Variants in TMPRSS11F observed in about 807,000 individuals in gnomAD.
The protein encoded by TMPRSS11F is transmembrane protease serine 11F.
TMPRSS11F carries 47 observed loss-of-function variants against 60.2 expected under a neutral mutation model. The observed-to-expected ratio is 0.78, with a 90% CI of 0.62 to 1.00. The LOEUF (loss-of-function observed/expected upper bound fraction) is 1.00. TMPRSS11F is among the 50% of genes least tolerant of loss of function. The probability of loss-of-function intolerance (pLI) is 0.00; values close to 1 mark genes in which losing one functional copy is unlikely to be tolerated. For synonymous variants in TMPRSS11F, 166 were observed against 167.3 expected (o/e 0.99, Z 0.06); for missense variants, 519 against 522.9 (o/e 0.99, Z 0.07).
chr4:68,061,265 A>T (rs1723167736), intron 8 of TMPRSS11F, among the ~76,000 whole-genome samples: 1 of 152,230 alleles, frequency 6.6e-6, no homozygotes. Flanking sequence ...GTTCTGAGGA[A>T]TCGTTGCATT....
At chr4:68,125,448 A>T (rs1724697466) in intron 1 of TMPRSS11F, among the ~76,000 whole-genome samples, 1 of 152,172 alleles carries the variant, frequency 6.6e-6, no homozygotes, top group African/African-American at 2.4e-5. Context: ...CATATATGAT[A>T]CTGGAAGAAA....
chr4:68,109,886 G>A (rs1351853662), intron 1 of TMPRSS11F, among the ~76,000 whole-genome samples: 1 of 152,102 alleles, frequency 6.6e-6, no homozygotes, highest in Non-Finnish European at 1.5e-5. Context: ...TCAAGATGAA[G>A]ATTTAAATAT....
intron 3 of TMPRSS11F, among the ~76,000 whole-genome samples, chr4:68,074,987 T>C (rs1169162424): frequency 1.3e-5 from 2 of 152,032 alleles, no homozygotes; most frequent in Admixed American, 6.5e-5. Context: ...AAATAATAAA[T>C]AGATTAAAAA....
chr4:68,122,764 G>A (rs554915967), intron 1 of TMPRSS11F, among the ~76,000 whole-genome samples: 3 of 152,252 alleles, frequency 2.0e-5, no homozygotes, highest in African/African-American at 4.8e-5. Flanking sequence ...AGGCAATCAC[G>A]AATATAGAAC....
intron 2 of TMPRSS11F, among the ~76,000 whole-genome samples, chr4:68,097,386 TG>T (rs1724094744): frequency 6.6e-6 from 1 of 152,156 alleles, no homozygotes; most frequent in South Asian, 2.1e-4. Context: ...CCTTTGCTGA[TG>T]GTCCCATTTT....
chr4:68,090,259 AAT>A (rs1442250428), intron 3 of TMPRSS11F, among the ~76,000 whole-genome samples: 3 of 152,024 alleles, frequency 2.0e-5, no homozygotes, highest in Non-Finnish European at 2.9e-5. Context: ...AAGAGTTAAA[AAT>A]AGAGAAACAT....
At chr4:68,083,094 C>T (rs762952364) in intron 3 of TMPRSS11F, among the ~76,000 whole-genome samples, 12 of 152,216 alleles carry the variant, frequency 7.9e-5, no homozygotes, top group Non-Finnish European at 8.8e-5. Flanking sequence ...ATACCCATGA[C>T]AACACCACCC....
intron 3 of TMPRSS11F, among the ~76,000 whole-genome samples, chr4:68,085,626 G>A (rs1354374566): frequency 1.3e-5 from 2 of 152,118 alleles, no homozygotes; most frequent in African/African-American, 4.8e-5. Flanking sequence ...GCATACAGTG[G>A]CAAGTTGGAT....
chr4:68,078,795 C>T (rs2109852778), intron 3 of TMPRSS11F, among the ~76,000 whole-genome samples: 1 of 152,238 alleles, frequency 6.6e-6, no homozygotes, highest in African/African-American at 2.4e-5. Context: ...AGTTCTGAGT[C>T]ATGACACTTA....
intron 1 of TMPRSS11F, among the ~76,000 whole-genome samples, chr4:68,127,672 G>T (rs978928399): frequency 6.6e-6 from 1 of 151,954 alleles, no homozygotes; most frequent in Admixed American, 6.6e-5. Context: ...ATGACCCACG[G>T]TTAGAAATGT....
At chr4:68,068,930 C>T in intron 6 of TMPRSS11F, 111 bp from the exon 7 acceptor site, 1 of 1,071,614 alleles carries the variant, frequency 9.3e-7, no homozygotes, top group Non-Finnish European at 1.4e-6. Flanking sequence ...GTGAACCATT[C>T]ATAGCACTCA....
At position 68,124,945 on chromosome 4, in the gene TMPRSS11F, A is replaced by ATTTTTTTTTTT. The variant is rs370189875; in HGVS notation, c.11+4854_11+4864dup. On this transcript the variant is annotated intron_variant, in intron 1 of 9. Transcript: ENST00000356291. ...TGACATTCTAAGTATCTAAACCAGC[A>ATTTTTTTTTTT]TTTTTTTTTTTTTTTTTTTTTTACA... is the stretch of plus-strand genomic sequence containing the variant. 1.9e-4 allele frequency among the ~76,000 whole-genome samples: 18 copies of ATTTTTTTTTTT among 94,108 alleles called. 1 individual carries two copies. Among genetic ancestry groups the ATTTTTTTTTTT allele is most frequent in the South Asian group, 1.3e-3 (3 of 2,274 alleles). The allele number at this position is 94,108 out of a possible 152,430, so 61.7% of individuals were successfully genotyped here.
chr4:68,121,052 G>T (rs4590097), intron 1 of TMPRSS11F, among the ~76,000 whole-genome samples: 96,201 of 152,030 alleles, frequency 0.63, 31,626 homozygotes, highest in Admixed American at 0.74. Flanking sequence ...AATAGAACCT[G>T]CAATATCTTC....
At chr4:68,106,997 G>A (rs528143547) in intron 1 of TMPRSS11F, among the ~76,000 whole-genome samples, 1 of 152,148 alleles carries the variant, frequency 6.6e-6, no homozygotes, top group East Asian at 1.9e-4. Flanking sequence ...GTATCAGCAA[G>A]GTCAGCTATA....
In TMPRSS11F at chr4:68,064,890, G is replaced by A. The variant is rs150188649; in HGVS notation, c.810C>T (p.Pro270=). The change falls in exon 8 of 10, where the codon CCC becomes CCT. Residue 270 remains proline, a synonymous_variant. Coordinates refer to ENST00000356291, the MANE Select transcript of TMPRSS11F (RefSeq NM_207407.2). The part of the protein sequence containing the change: ...IATFGATITP[P]AVKRNVRKII... The stretch of plus-strand genomic sequence containing the variant: ...TTTTCCTCACATTTCGTTTCACTGC[G>A]GGTGGTGTTATAGTTGCACCAAAAG... 1.2e-5 allele frequency: 19 copies of A among 1,613,808 alleles called. No individual in the cohort carries two copies. Among genetic ancestry groups the A allele is most frequent in the Middle Eastern group, 3.3e-4 (2 of 6,066 alleles).
rs1723285723 is a variant in TMPRSS11F at position 68,064,733 on chromosome 4, G to A, written c.967C>T (p.Pro323Ser). The change falls in exon 8 of 10, where the codon CCT (proline) becomes TCT (serine). Residue 323 changes from proline (P) to serine (S), a missense_variant. Coordinates refer to ENST00000356291, the MANE Select transcript of TMPRSS11F (RefSeq NM_207407.2). ...CCTGTGACGAACACACTTGTTTTAG[G>A]TGGCAACTTTATAGATGAGTCTGGG... is the stretch of plus-strand genomic sequence containing the variant. The part of the protein sequence containing the change: ...CLPDSSIKLP[P>S]KTSVFVTGFG... 1.2e-6 allele frequency: 2 copies of A among 1,613,962 alleles called. No individual in the cohort carries two copies. The highest frequency in any genetic ancestry group is 1.7e-5 in the Admixed American group (1 of 59,994).
At chr4:68,082,125 A>G (rs1723707258) in intron 3 of TMPRSS11F, among the ~76,000 whole-genome samples, 1 of 152,114 alleles carries the variant, frequency 6.6e-6, no homozygotes, top group Non-Finnish European at 1.5e-5. Flanking sequence ...GAAGCTGGCA[A>G]CCCTATGTGG....
intron 1 of TMPRSS11F, among the ~76,000 whole-genome samples, chr4:68,100,259 G>A (rs1019296194): frequency 3.3e-5 from 5 of 152,136 alleles, no homozygotes; most frequent in African/African-American, 9.6e-5. Context: ...TGGACTGGGA[G>A]TCTCATAACC....
At chr4:68,059,578 A>C (rs1412613017) in intron 8 of TMPRSS11F, 110 bp from the exon 9 acceptor site, 1 of 1,052,252 alleles carries the variant, frequency 9.5e-7, no homozygotes, top group Admixed American at 2.8e-5. Context: ...TTATTTTATT[A>C]ACATTAGCTA....
Sources: gnomAD v4.1 joint callset for allele counts (sites outside exome capture counted in the v4.1 genomes callset) on GRCh38, gnomAD v4.1.1 for gene constraint, MANE v1.5 for transcripts, NCBI Gene and HGNC (gene_info 2026-07-23, HGNC 2026-07-21) for gene names.